Variants in CCNT2 observed in about 807,000 individuals in gnomAD.
CCNT2 encodes cyclin T2.
A neutral mutation model predicts 70.0 loss-of-function variants in CCNT2; 18 were observed. The ratio of observed to expected loss-of-function variants is 0.26; its 90% CI spans 0.18 to 0.38. The LOEUF (loss-of-function observed/expected upper bound fraction) is 0.38, where lower values mean the gene tolerates loss of function less well. Ranked by LOEUF, CCNT2 falls within the 10% of genes least tolerant of loss-of-function variation. The pLI, the probability that CCNT2 is intolerant of heterozygous loss-of-function variation, is 1.00. For missense variants in CCNT2, 734 were observed against 890.2 expected, an observed-to-expected ratio of 0.82 and a Z score of 2.23; for synonymous variants, 334 against 313.3, an observed-to-expected ratio of 1.07 and a Z score of -0.70.
rs778431132 is a variant in CCNT2, at chr2:134,936,907, G to A, written c.307G>A (p.Val103Ile). 1 of 1,611,914 alleles carries A rather than the reference G, an allele frequency of 6.2e-7. No individual in the cohort carries two copies. The highest frequency in any genetic ancestry group is 8.5e-7 in the Non-Finnish European group (1 of 1,178,038). The change falls in exon 3 of 9, where the codon GTT becomes ATT. Residue 103 changes from valine (V) to isoleucine (I), a missense_variant. Physicochemically the swap from Val to Ile is conservative, Grantham distance 29. Around this residue, in one of 3 missense-constraint regions of CCNT2, gnomAD observed 161 missense variants for 303.8 expected, o/e 0.53. Coordinates refer to ENST00000264157, the MANE Select transcript of CCNT2 (RefSeq NM_058241.3). ...AGAACAGGCTCGAAAACTTGAACATGTTATCAAAGTAGCACATGCTTGTCT... is the reference window on the plus strand; with the variant it reads ...AGAACAGGCTCGAAAACTTGAACATATTATCAAAGTAGCACATGCTTGTCT... ...VEEQARKLEH[V>I]IKVAHACLHP...
At chr2:134,942,925 A>G (rs1681677459) in intron 5 of CCNT2, 1 of 985,100 alleles carries the variant, frequency 1.0e-6, no homozygotes, top group African/African-American at 1.7e-5. Flanking sequence ...TCCAAGTATT[A>G]GGACTCTATC....
At position 134,953,700 on chromosome 2, in the gene CCNT2, G is replaced by A. The variant is rs1682704732; in HGVS notation, c.1245G>A (p.Gly415=). 6.2e-7 allele frequency: 1 copy of A among 1,613,704 alleles called. No homozygotes were observed. Among genetic ancestry groups the A allele is most frequent in the Non-Finnish European group, 8.5e-7 (1 of 1,179,808 alleles). ...AGCAAGAATATACTCATAAAGCAGG[G>A]AGCAGTAAACACCATGGGCCAATTT... ...SVKQEYTHKA[G]SSKHHGPIST... is the part of the protein sequence containing the mutation. The change falls in exon 9 of 9, where the codon GGG becomes GGA. Residue 415 remains glycine (G), a synonymous_variant. Transcript: ENST00000264157.
intron 2 of CCNT2, among the ~76,000 whole-genome samples, chr2:134,934,253 A>G (rs1680993646): frequency 6.6e-6 from 1 of 152,228 alleles, no homozygotes; most frequent in Non-Finnish European, 1.5e-5. Context: ...TCCAAAATAC[A>G]AAAATAAATA....
rs759962696 is a variant in CCNT2, at chr2:134,918,854, C to G, written c.-1C>G. 9.3e-6 allele frequency: 15 copies of G among 1,612,096 alleles called. No individual in the cohort carries two copies. Among genetic ancestry groups the G allele is most frequent in the Non-Finnish European group, 1.3e-5 (15 of 1,178,948 alleles). ...AAGGAGCGGGCGGAGGAGGAAGTGT[C>G]ATGGCGTCGGGCCGTGGAGCTTCTT... On this transcript the variant is annotated 5_prime_UTR_variant, in exon 1 of 9. Coordinates refer to ENST00000264157, the MANE Select transcript of CCNT2 (RefSeq NM_058241.3).
At chr2:134,934,733 G>A (rs1318241077) in intron 2 of CCNT2, among the ~76,000 whole-genome samples, 1 of 152,184 alleles carries the variant, frequency 6.6e-6, no homozygotes, top group Non-Finnish European at 1.5e-5. Flanking sequence ...GTGTTTAGCT[G>A]GAAAGTATTT....
At chr2:134,935,070 A>G (rs77658978) in intron 2 of CCNT2, among the ~76,000 whole-genome samples, 6,076 of 152,318 alleles carry the variant, frequency 0.04, 190 homozygotes, top group Middle Eastern at 0.14. Context: ...TATTCATTCA[A>G]CAAATTGAAC....
chr2:134,923,287 C>CAAT (rs952677648), intron 2 of CCNT2, among the ~76,000 whole-genome samples: 20 of 151,740 alleles, frequency 1.3e-4, no homozygotes, highest in Middle Eastern at 3.2e-3. Context: ...TCTCAAAAAA[C>CAAT]AATAATAATA....
chr2:134,953,163 T>C (rs969553136), intron 8 of CCNT2, 67 bp from the exon 9 acceptor site: 1 of 1,134,742 alleles, frequency 8.8e-7, no homozygotes, highest in Non-Finnish European at 1.3e-6. Flanking sequence ...ATAACTTTTA[T>C]AAGACAAGAA....
chr2:134,924,182 G>C (rs1398234571), intron 2 of CCNT2, among the ~76,000 whole-genome samples: 4 of 152,074 alleles, frequency 2.6e-5, no homozygotes, highest in Non-Finnish European at 4.4e-5. Context: ...TTATCTCTCT[G>C]ATCTTACCTT....
chr2:134,954,190 C>A lies in CCNT2; in HGVS notation c.1735C>A (p.His579Asn). ...CAGCAGCCACAAGCATTCCCACTCG[C>A]ATAGTGGCAGCAGCAGCGGTGGCAG... is the stretch of plus-strand genomic sequence containing the variant. ...HTSSHKHSHS[H>N]SGSSSGGSKH... The change falls in exon 9 of 9, where the codon CAT becomes AAT. Residue 579 changes from histidine to asparagine, a missense_variant. His to Asn is a moderately conservative substitution (Grantham distance 68). Around this residue, in one of 3 missense-constraint regions of CCNT2, gnomAD observed 532 missense variants for 556.9 expected, o/e 0.96. Coordinates refer to ENST00000264157, the MANE Select transcript of CCNT2 (RefSeq NM_058241.3). 6.2e-7 allele frequency: 1 copy of A among 1,614,128 alleles called. No individual in the cohort carries two copies. Among genetic ancestry groups the A allele is most frequent in the Non-Finnish European group, 8.5e-7 (1 of 1,179,994 alleles).
intron 7 of CCNT2, among the ~76,000 whole-genome samples, chr2:134,948,658 G>A (rs989553212): frequency 9.2e-5 from 14 of 151,964 alleles, no homozygotes; most frequent in Non-Finnish European, 1.6e-4. Context: ...AGAAATGGGA[G>A]ATTCTTGGGA....
At position 134,953,728 on chromosome 2, in the gene CCNT2, A is replaced by G. The variant is rs1559116591; in HGVS notation, c.1273A>G (p.Thr425Ala). The change falls in exon 9 of 9, where the codon ACT becomes GCT. Residue 425 changes from threonine to alanine, a missense_variant. This residue lies in a region of CCNT2 where 532 missense variants were observed against 556.9 expected (regional missense o/e 0.96). Coordinates refer to ENST00000264157, the MANE Select transcript of CCNT2 (RefSeq NM_058241.3). ...CAGTAAACACCATGGGCCAATTTCC[A>G]CTACTCCAGGAATAATTCCTCAGAA... The part of the protein sequence containing the change: ...GSSKHHGPIS[T>A]TPGIIPQKMS... The G allele has an allele frequency of 1.2e-6, 2 of 1,614,108 alleles. No homozygotes were observed. The highest frequency in any genetic ancestry group is 2.2e-5 in the East Asian group (1 of 44,888).
chr2:134,922,491 T>C (rs1424608629), intron 2 of CCNT2, among the ~76,000 whole-genome samples: 1 of 152,222 alleles, frequency 6.6e-6, no homozygotes, highest in Non-Finnish European at 1.5e-5. Context: ...CATTGAGTTC[T>C]TTTGTCAGTT....
intron 8 of CCNT2, 80 bp downstream of exon 8, chr2:134,952,791 G>T (rs772509563): frequency 2.9e-6 from 3 of 1,031,344 alleles, no homozygotes; most frequent in East Asian, 2.4e-5. Flanking sequence ...AATTTTTGTG[G>T]TTAAATAATC....
intron 2 of CCNT2, among the ~76,000 whole-genome samples, chr2:134,931,125 G>C (rs1680720930): frequency 6.6e-6 from 1 of 151,816 alleles, no homozygotes; most frequent in Non-Finnish European, 1.5e-5. Context: ...GCCACGCCCG[G>C]CTGATTTTTT....
chr2:134,954,022 C>T lies in CCNT2; in HGVS notation c.1567C>T (p.Leu523=), dbSNP rs779007667. 1 of 1,614,058 alleles carries T rather than the reference C, an allele frequency of 6.2e-7. No individual in the cohort carries two copies. The highest frequency in any genetic ancestry group is 1.3e-5 in the African/African-American group (1 of 75,008). ...PTDKSASKEE[L]KMKIKVSSSE... Reference sequence around the variant, plus strand: ...TGATAAAAGCGCCAGTAAAGAAGAACTGAAAATGAAAATAAAAGTTTCTTC... The same window carrying T: ...TGATAAAAGCGCCAGTAAAGAAGAATTGAAAATGAAAATAAAAGTTTCTTC... Residue 523 remains leucine (L), a synonymous_variant, in exon 9 of 9, where the codon CTG becomes TTG. Coordinates refer to ENST00000264157, the MANE Select transcript of CCNT2 (RefSeq NM_058241.3).
chr2:134,942,282 C>T lies in CCNT2; in HGVS notation c.431-330C>T, dbSNP rs45531932. The stretch of plus-strand genomic sequence containing the variant: ...CTTTGGAATATTAAGAAAGATATTA[C>T]GTAGTTGAATTCCGTCCTTAAATTG... On this transcript the variant is annotated intron_variant, in intron 4 of 8. Transcript: ENST00000264157. Among the ~76,000 whole-genome samples, 205 of 151,886 alleles carry T rather than the reference C, an allele frequency of 1.3e-3. 2 individuals carry two copies. The highest frequency in any genetic ancestry group is 4.7e-3 in the African/African-American group (196 of 41,394).
At chr2:134,933,531 A>G (rs1680932161) in intron 2 of CCNT2, among the ~76,000 whole-genome samples, 1 of 152,160 alleles carries the variant, frequency 6.6e-6, no homozygotes, top group Non-Finnish European at 1.5e-5. Flanking sequence ...ATCAAGAAGT[A>G]GGAATGGAAA....
chr2:134,933,812 A>G (rs1279321821), intron 2 of CCNT2, among the ~76,000 whole-genome samples: 3 of 152,208 alleles, frequency 2.0e-5, no homozygotes, highest in Non-Finnish European at 4.4e-5. Context: ...TTTGAGTCAT[A>G]TTACTAGGGA....
Sources: allele counts gnomAD v4.1 joint callset (sites outside exome capture counted in the v4.1 genomes callset), GRCh38; gene constraint gnomAD v4.1.1; regional missense constraint gnomAD v4.1.1; transcripts MANE v1.5; gene names NCBI Gene and HGNC (gene_info 2026-07-23, HGNC 2026-07-21).